Variants in PSMA3 observed in about 807,000 individuals in gnomAD.
The protein encoded by PSMA3 is proteasome 20S subunit alpha 3.
PSMA3 carries 8 observed loss-of-function variants against 40.0 expected under a neutral mutation model. That is an observed-to-expected ratio of 0.20 (90% confidence interval 0.12 to 0.36). The LOEUF is 0.36. Ranked by LOEUF, PSMA3 falls within the 10% of genes least tolerant of loss-of-function variation. The probability of loss-of-function intolerance (pLI) is 1.00; values close to 1 mark genes in which losing one functional copy is unlikely to be tolerated. For missense variants in PSMA3, 219 were observed against 310.6 expected (o/e 0.70, Z 2.22); for synonymous variants, 110 against 100.0 (o/e 1.10, Z -0.59).
chr14:58,262,202 T>C (rs1451489850), intron 6 of PSMA3, among the ~76,000 whole-genome samples: 2 of 151,938 alleles, frequency 1.3e-5, no homozygotes, highest in Non-Finnish European at 2.9e-5. Context: ...GTGCAAGGAT[T>C]ACAGGCGTGA....
chr14:58,271,034 AC>A (rs779017801), intron 10 of PSMA3, 36 bp downstream of exon 10: 52 of 1,508,424 alleles, frequency 3.4e-5, no homozygotes, highest in Non-Finnish European at 4.4e-5. Context: ...TTGGCCAGGT[AC>A]AGTCAGGGAA....
chr14:58,245,612 G>C (rs544011391), intron 1 of PSMA3: 1 of 152,398 alleles, frequency 6.6e-6, no homozygotes, highest in East Asian at 1.9e-4. Flanking sequence ...TTCATAGACT[G>C]TTGAGGATTT....
chr14:58,255,795 A>G (rs1890130594), intron 3 of PSMA3, among the ~76,000 whole-genome samples: 1 of 152,156 alleles, frequency 6.6e-6, no homozygotes, highest in Admixed American at 6.5e-5. Flanking sequence ...CCACACTAAC[A>G]TGTGATTTCA....
intron 5 of PSMA3, among the ~76,000 whole-genome samples, chr14:58,259,733 G>A (rs762919538): frequency 2.6e-5 from 4 of 152,190 alleles, no homozygotes; most frequent in African/African-American, 4.8e-5. Context: ...ATTAGGGAAC[G>A]GACTCTTTCT....
intron 6 of PSMA3, among the ~76,000 whole-genome samples, chr14:58,262,330 G>A (rs1261962964): frequency 2.6e-5 from 4 of 151,940 alleles, no homozygotes; most frequent in Non-Finnish European, 5.9e-5. Context: ...TCAGCCTCCC[G>A]AGTAGGCTGG....
In PSMA3 at chr14:58,244,889, G is replaced by T. The variant is rs1480831120; in HGVS notation, c.-32G>T. On this transcript the variant is annotated 5_prime_UTR_variant, in exon 1 of 11. Transcript: ENST00000216455. ...GTATAGGGGAAGCGCTCCGGGCCTGGAATCCCTACGCGTCCCTTTGGGTTT... is the reference window on the plus strand; with the variant it reads ...GTATAGGGGAAGCGCTCCGGGCCTGTAATCCCTACGCGTCCCTTTGGGTTT... 5.6e-6 allele frequency: 9 copies of T among 1,614,076 alleles called. No individual in the cohort carries two copies. The East Asian group carries it at 1.6e-4, about 28-fold the overall frequency.
chr14:58,260,439 T>A (rs1890250023), intron 5 of PSMA3, among the ~76,000 whole-genome samples: 1 of 152,214 alleles, frequency 6.6e-6, no homozygotes, highest in African/African-American at 2.4e-5. Context: ...ATGTCACAAT[T>A]TCAGAAAATC....
intron 3 of PSMA3, among the ~76,000 whole-genome samples, chr14:58,253,564 C>T (rs1327763566): frequency 2.0e-5 from 3 of 152,026 alleles, no homozygotes; most frequent in African/African-American, 7.2e-5. Flanking sequence ...TTCTCCTGAA[C>T]AGATTTTTTT....
chr14:58,252,191 T>C lies in PSMA3; in HGVS notation c.177T>C (p.Tyr59=), dbSNP rs1257575928. The C allele has an allele frequency of 5.0e-6, 8 of 1,613,274 alleles. No homozygotes were observed. Among genetic ancestry groups the C allele is most frequent in the Non-Finnish European group, 6.8e-6 (8 of 1,179,832 alleles). The change falls in exon 3 of 11, where the codon TAT becomes TAC. Residue 59 remains tyrosine, a synonymous_variant. Transcript: ENST00000216455. Reference sequence around the variant, plus strand: ...AAAAATTAGTCCTTTCTAAACTTTATGAAGAAGGTTCCAACAAAAGACTTT... The same window carrying C: ...AAAAATTAGTCCTTTCTAAACTTTACGAAGAAGGTTCCAACAAAAGACTTT... The part of the protein sequence containing the change: ...GVEKLVLSKL[Y]EEGSNKRLFN...
Position 58,260,988 on chromosome 14 carries a change from C to T in PSMA3, c.445C>T (p.Leu149Phe). Residue 149 changes from leucine to phenylalanine, a missense_variant, in exon 6 of 11, where the codon CTC (leucine) becomes TTC (phenylalanine). Leu to Phe is a conservative substitution (Grantham distance 22). Coordinates refer to ENST00000216455, the MANE Select transcript of PSMA3 (RefSeq NM_002788.4). ...GSYSVNDGAQ[L>F]YMIDPSGVSY... ...TTACAGTGTGAATGACGGTGCGCAA[C>T]TCTACATGATTGACCCATCAGGTGT... 2 of 1,612,558 alleles carry T rather than the reference C, an allele frequency of 1.2e-6. No individual in the cohort carries two copies. Among genetic ancestry groups the T allele is most frequent in the African/African-American group, 1.3e-5 (1 of 74,958 alleles).
In PSMA3 at chr14:58,260,887, T is replaced by C. The variant is rs1477227804; in HGVS notation, c.405-61T>C. ...AAATATAACTGCATTTTAAAATAAT[T>C]TTTTCACAAATACTTTTATGTTATT... On this transcript the variant is annotated intron_variant, in intron 5 of 10. Coordinates refer to ENST00000216455, the MANE Select transcript of PSMA3 (RefSeq NM_002788.4). 4 of 1,240,252 alleles carry C rather than the reference T, an allele frequency of 3.2e-6. No homozygotes were observed. In the Admixed American group the frequency reaches 8.1e-5, roughly 25 times the overall value. 76.8% of individuals were successfully genotyped at this position (1,240,252 alleles called of 1,614,324 possible). A position where few individuals can be genotyped will look rare whatever the true frequency, so the allele number is the denominator to read the frequency against.
intron 1 of PSMA3, chr14:58,245,507 C>T (rs1376784997): frequency 6.6e-6 from 1 of 152,634 alleles, no homozygotes; most frequent in African/African-American, 2.4e-5. Flanking sequence ...TTTTTCCTTT[C>T]TCGTTTTTCC....
intron 5 of PSMA3, chr14:58,258,569 GA>G (rs1187922108): frequency 6.6e-6 from 1 of 151,416 alleles, no homozygotes; most frequent in Non-Finnish European, 1.5e-5. Context: ...GTTAGTCCCT[GA>G]TATTCTTAGG....
At chr14:58,251,038 T>C (rs1178024143) in intron 2 of PSMA3, among the ~76,000 whole-genome samples, 1 of 152,084 alleles carries the variant, frequency 6.6e-6, no homozygotes, top group Non-Finnish European at 1.5e-5. Flanking sequence ...GTGAGAGGAT[T>C]ACTTGAGCCT....
chr14:58,262,288 A>G (rs1209164831), intron 6 of PSMA3, among the ~76,000 whole-genome samples: 2 of 151,540 alleles, frequency 1.3e-5, no homozygotes, highest in Non-Finnish European at 2.9e-5. Context: ...GTGGCGCCAA[A>G]CCTCCACCTC....
At chr14:58,269,333 T>C (rs187348894) in intron 8 of PSMA3, among the ~76,000 whole-genome samples, 316 of 152,314 alleles carry the variant, frequency 2.1e-3, no homozygotes, top group African/African-American at 7.4e-3. Context: ...TTATGTGGCA[T>C]ATATGCCATT....
intron 7 of PSMA3, 61 bp from the exon 8 acceptor site, chr14:58,267,413 T>TAA: frequency 7.1e-7 from 1 of 1,401,760 alleles, no homozygotes; most frequent in Non-Finnish European, 9.3e-7. Flanking sequence ...AAAGTGAAAA[T>TAA]AGTTATTACA....
chr14:58,262,224 G>A (rs1436361929), intron 6 of PSMA3, among the ~76,000 whole-genome samples: 2 of 151,704 alleles, frequency 1.3e-5, no homozygotes, highest in African/African-American at 4.8e-5. Context: ...CCACAGTGCC[G>A]GACCTAATTT....
chr14:58,245,404 G>T (rs1485487749), intron 1 of PSMA3: 2 of 165,752 alleles, frequency 1.2e-5, no homozygotes, highest in Admixed American at 1.2e-4. Flanking sequence ...TAAGTGTGCA[G>T]ATCATTGACC....
Sources: gnomAD v4.1 joint callset for allele counts (sites outside exome capture counted in the v4.1 genomes callset) on GRCh38, gnomAD v4.1.1 for gene constraint, MANE v1.5 for transcripts, NCBI Gene and HGNC (gene_info 2026-07-23, HGNC 2026-07-21) for gene names.